The following TBC1D9 variants were observed in gnomAD, a reference collection of about 807,000 sequenced individuals.
The protein encoded by TBC1D9 is TBC1 domain family member 9A.
TBC1D9 carries 63 observed loss-of-function variants against 132.0 expected under a neutral mutation model. The observed-to-expected ratio is 0.48, with a 90% confidence interval of 0.39 to 0.59. TBC1D9 has a LOEUF of 0.59. Among genes scored for constraint, TBC1D9 ranks in the 20% least tolerant of loss-of-function variants. TBC1D9 has a pLI of 0.00. For missense variants in TBC1D9, 1,261 were observed against 1,592.7 expected, an observed-to-expected ratio of 0.79 and a Z score of 3.54; for synonymous variants, 610 against 609.9, an observed-to-expected ratio of 1.00 and a Z score of 0.00.
At chr4:140,670,030 T>C (rs562762576) in intron 7 of TBC1D9, among the ~76,000 whole-genome samples, 1 of 152,322 alleles carries the variant, frequency 6.6e-6, no homozygotes, top group Admixed American at 6.5e-5. Context: ...GGTTTCTGAA[T>C]CTTCATGTTT....
chr4:140,727,547 T>C (rs1009520963), intron 1 of TBC1D9, among the ~76,000 whole-genome samples: 1 of 152,212 alleles, frequency 6.6e-6, no homozygotes, highest in Non-Finnish European at 1.5e-5. Flanking sequence ...AGGGCACATA[T>C]ATTACAGTGT....
chr4:140,672,100 C>T (rs1409951083), intron 6 of TBC1D9, among the ~76,000 whole-genome samples: 3 of 151,908 alleles, frequency 2.0e-5, no homozygotes, highest in African/African-American at 4.8e-5. Context: ...AAAAATAGGT[C>T]TGCCTGGGGT....
Position 140,755,933 on chromosome 4 carries a change from C to T in TBC1D9, c.113G>A (p.Gly38Asp). 2 of 1,581,938 alleles carry T rather than the reference C, an allele frequency of 1.3e-6. No individual in the cohort carries two copies. Among genetic ancestry groups the T allele is most frequent in the Non-Finnish European group, 1.7e-6 (2 of 1,166,140 alleles). The change falls in exon 1 of 21, where the codon GGC becomes GAC. Residue 38 changes from glycine (G) to aspartate (D), a missense_variant. By Grantham distance (94) the Gly-to-Asp change is moderately conservative. Around this residue, in one of 3 missense-constraint regions of TBC1D9, gnomAD observed 550 missense variants for 699.0 expected, o/e 0.79. Transcript: ENST00000442267. ...RRKGHAGDGGGGGGLAGLLVG... is the reference protein window; with the variant it reads ...RRKGHAGDGGDGGGLAGLLVG... ...GTCCTTACCCGCCAGTCCGCCGCCG[C>T]CGCCTCCATCGCCGGCGTGGCCCTT...
intron 13 of TBC1D9, among the ~76,000 whole-genome samples, chr4:140,648,239 TA>T (rs1737132076): frequency 6.6e-6 from 1 of 152,216 alleles, no homozygotes; most frequent in South Asian, 2.1e-4. Context: ...CATCTTTGTT[TA>T]TATCTCTTAT....
intron 3 of TBC1D9, among the ~76,000 whole-genome samples, chr4:140,685,894 A>G (rs994067151): frequency 6.6e-5 from 10 of 152,090 alleles, no homozygotes; most frequent in Admixed American, 3.3e-4. Context: ...TTACAGTTAG[A>G]AGAAATAAGT....
At chr4:140,730,542 C>T (rs1166304452) in intron 1 of TBC1D9, among the ~76,000 whole-genome samples, 1 of 152,160 alleles carries the variant, frequency 6.6e-6, no homozygotes, top group Non-Finnish European at 1.5e-5. Flanking sequence ...GCCTGGCCAA[C>T]ATGGCAAAAC....
intron 16 of TBC1D9, among the ~76,000 whole-genome samples, chr4:140,631,101 G>C (rs550208537): frequency 6.6e-6 from 1 of 152,280 alleles, no homozygotes; most frequent in South Asian, 2.1e-4. Context: ...CATTGGTAAT[G>C]AATTATTTAT....
intron 13 of TBC1D9, among the ~76,000 whole-genome samples, chr4:140,641,511 A>G (rs1194522274): frequency 2.6e-5 from 4 of 152,182 alleles, no homozygotes; most frequent in Non-Finnish European, 5.9e-5. Flanking sequence ...CGCCCACATG[A>G]CAGAATTCCA....
intron 3 of TBC1D9, among the ~76,000 whole-genome samples, chr4:140,684,605 A>G (rs947222877): frequency 2.0e-5 from 3 of 151,802 alleles, no homozygotes; most frequent in Admixed American, 6.6e-5. Flanking sequence ...TCTCCTGGCT[A>G]TTGTCACTTC....
At chr4:140,653,321 CAGAA>C (rs1174386039) in intron 13 of TBC1D9, among the ~76,000 whole-genome samples, 1 of 152,122 alleles carries the variant, frequency 6.6e-6, no homozygotes, top group African/African-American at 2.4e-5. Flanking sequence ...TCCTGAAGAA[CAGAA>C]AGAAATGCAT....
chr4:140,655,684 C>T (rs913084330), intron 13 of TBC1D9, among the ~76,000 whole-genome samples: 1 of 152,084 alleles, frequency 6.6e-6, no homozygotes. Flanking sequence ...CCCCAAAAAG[C>T]GTATTAGTTC....
intron 15 of TBC1D9, among the ~76,000 whole-genome samples, chr4:140,637,697 C>T (rs776850272): frequency 5.3e-5 from 8 of 152,188 alleles, no homozygotes; most frequent in South Asian, 2.1e-4. Context: ...TTAACATGTA[C>T]GAATAAAATA....
chr4:140,659,907 A>G (rs1339426695), intron 10 of TBC1D9, among the ~76,000 whole-genome samples: 2 of 152,168 alleles, frequency 1.3e-5, no homozygotes, highest in Non-Finnish European at 2.9e-5. Flanking sequence ...ACCCTGTAAA[A>G]ACATAAAAAC....
chr4:140,625,651 T>A (rs1165083419), intron 18 of TBC1D9, among the ~76,000 whole-genome samples: 2 of 152,202 alleles, frequency 1.3e-5, no homozygotes, highest in Admixed American at 1.3e-4. Flanking sequence ...AGTGGATTTT[T>A]AAAAAATATT....
At chr4:140,714,850 G>C (rs1454092465) in intron 1 of TBC1D9, among the ~76,000 whole-genome samples, 1 of 152,184 alleles carries the variant, frequency 6.6e-6, no homozygotes, top group Non-Finnish European at 1.5e-5. Flanking sequence ...TTTTGGAGCA[G>C]GCATAGTGGC....
chr4:140,744,144 C>T (rs1022298625), intron 1 of TBC1D9, among the ~76,000 whole-genome samples: 1 of 152,032 alleles, frequency 6.6e-6, no homozygotes, highest in African/African-American at 2.4e-5. Context: ...ATTCATGGGA[C>T]AAGCAAGCAA....
At chr4:140,693,600 CCAAA>C (rs1560887762) in intron 2 of TBC1D9, among the ~76,000 whole-genome samples, 4 of 152,296 alleles carry the variant, frequency 2.6e-5, no homozygotes, top group Admixed American at 1.3e-4. Context: ...ACAGAAAACA[CCAAA>C]CAGTTACTTT....
chr4:140,657,229 G>GGA lies in TBC1D9; in HGVS notation c.2208-5_2208-4dup, dbSNP rs1382556408. The GGA allele has an allele frequency of 1.9e-6, 3 of 1,612,360 alleles. No individual in the cohort carries two copies. Among genetic ancestry groups the GGA allele is most frequent in the Middle Eastern group, 1.7e-4 (1 of 6,044 alleles). ...TATTGGTCACACTGTCTAAATACCT[G>GGA]GAAGAAGAATGCATCAGAAGTCACA... is the stretch of plus-strand genomic sequence containing the variant. On this transcript the variant is annotated splice_region_variant and splice_polypyrimidine_tract_variant and intron_variant, in intron 12 of 20. Transcript: ENST00000442267.
intron 1 of TBC1D9, among the ~76,000 whole-genome samples, chr4:140,720,687 G>A (rs1318949798): frequency 6.6e-6 from 1 of 151,998 alleles, no homozygotes; most frequent in Non-Finnish European, 1.5e-5. Flanking sequence ...CAGAGAAGAG[G>A]GCAAGTTCTC....
Sources: allele counts gnomAD v4.1 joint callset (sites outside exome capture counted in the v4.1 genomes callset), GRCh38; gene constraint gnomAD v4.1.1; regional missense constraint gnomAD v4.1.1; transcripts MANE v1.5; gene names NCBI Gene and HGNC (gene_info 2026-07-23, HGNC 2026-07-21).